Variants in B3GNT5 observed in about 807,000 individuals in gnomAD.
B3GNT5 encodes the protein lactosylceramide 1,3-N-acetyl-beta-D-glucosaminyltransferase.
B3GNT5 carries 11 observed loss-of-function variants against 25.9 expected under a neutral mutation model. The observed-to-expected ratio is 0.42, with a 90% CI of 0.27 to 0.70. The LOEUF is 0.70. Among genes scored for constraint, B3GNT5 ranks in the 30% least tolerant of loss-of-function variants. The probability of loss-of-function intolerance (pLI) is 0.23; values close to 1 mark genes in which losing one functional copy is unlikely to be tolerated. For synonymous variants in B3GNT5, 166 were observed against 158.6 expected (o/e 1.05, Z -0.35); for missense variants, 385 against 458.4 (o/e 0.84, Z 1.46).
intron 1 of B3GNT5, among the ~76,000 whole-genome samples, chr3:183,255,601 A>G (rs1724971535): frequency 6.6e-6 from 1 of 152,208 alleles, no homozygotes. Context: ...CAAAGCTCAG[A>G]GCAGCTGTTC....
chr3:183,266,406 G>A (rs373262563), intron 1 of B3GNT5, among the ~76,000 whole-genome samples: 20 of 152,322 alleles, frequency 1.3e-4, no homozygotes, highest in African/African-American at 4.6e-4. Context: ...AACTGCAGAT[G>A]CTTTTCAGTT....
chr3:183,262,380 G>GT (rs1397749450), intron 1 of B3GNT5, among the ~76,000 whole-genome samples: 1 of 152,152 alleles, frequency 6.6e-6, no homozygotes, highest in Admixed American at 6.5e-5. Context: ...AGGCAGGGCT[G>GT]TATAAGTGCA....
intron 1 of B3GNT5, among the ~76,000 whole-genome samples, chr3:183,260,137 C>T (rs1030840019): frequency 6.6e-6 from 1 of 152,036 alleles, no homozygotes; most frequent in Admixed American, 6.6e-5. Context: ...GCCACAGGGT[C>T]TGGAATTTGT....
At chr3:183,255,338 A>G (rs558641461) in intron 1 of B3GNT5, among the ~76,000 whole-genome samples, 2 of 152,378 alleles carry the variant, frequency 1.3e-5, no homozygotes, top group Admixed American at 6.5e-5. Flanking sequence ...TAGATTTTCT[A>G]TCTGGTCACA....
rs1244558450 is a variant in B3GNT5, at chr3:183,270,669, A to G, written c.871A>G (p.Asn291Asp). 13 of 1,614,072 alleles carry G rather than the reference A, an allele frequency of 8.1e-6. No homozygotes were observed. The highest frequency in any genetic ancestry group is 1.1e-5 in the Non-Finnish European group (13 of 1,180,042). The change falls in exon 2 of 2, where the codon AAT becomes GAT. Residue 291 changes from asparagine to aspartate, a missense_variant. Physicochemically the swap from Asn to Asp is conservative, Grantham distance 23. Coordinates refer to ENST00000326505, the MANE Select transcript of B3GNT5 (RefSeq NM_032047.5). The surrounding 1 kb of genome is among the most constrained non-coding windows in gnomAD (Gnocchi z 4.5). Reference protein sequence around the residue: ...IDDVFMGLCANKIGIVPQDHV... With the variant: ...IDDVFMGLCADKIGIVPQDHV... ...CGATGTGTTCATGGGCCTCTGTGCC[A>G]ATAAAATAGGGATAGTACCGCAGGA...
At chr3:183,261,021 T>C (rs2108417197) in intron 1 of B3GNT5, among the ~76,000 whole-genome samples, 1 of 152,336 alleles carries the variant, frequency 6.6e-6, no homozygotes. Flanking sequence ...AGAGGTCTTA[T>C]ATTGGAAATG....
At chr3:183,264,920 A>G (rs1265158826) in intron 1 of B3GNT5, among the ~76,000 whole-genome samples, 1 of 152,172 alleles carries the variant, frequency 6.6e-6, no homozygotes, top group Non-Finnish European at 1.5e-5. Flanking sequence ...TCCTACTTCT[A>G]TTCTTTATTC....
At position 183,272,897 on chromosome 3, in the gene B3GNT5, T is replaced by C; in HGVS notation, c.*1962T>C. 7.5e-7 allele frequency: 1 copy of C among 1,326,120 alleles called. No individual in the cohort carries two copies. The highest frequency in any genetic ancestry group is 9.7e-7 in the Non-Finnish European group (1 of 1,029,970). 82.1% of individuals were successfully genotyped at this position (1,326,120 alleles called of 1,614,324 possible). A position where few individuals can be genotyped will look rare whatever the true frequency, so the allele number is the denominator to read the frequency against. ...AGCAGTGCTTTTGTGAAACAATTAT[T>C]TATTTGCTGAAAGAGCTCTTCTGAA... On this transcript the variant is annotated 3_prime_UTR_variant, in exon 2 of 2. Coordinates refer to ENST00000326505, the MANE Select transcript of B3GNT5 (RefSeq NM_032047.5).
rs1452300027 is a variant in B3GNT5 at position 183,270,015 on chromosome 3, T to C, written c.217T>C (p.Tyr73His). 3 of 1,614,036 alleles carry C rather than the reference T, an allele frequency of 1.9e-6. No homozygotes were observed. The highest frequency in any genetic ancestry group is 2.5e-6 in the Non-Finnish European group (3 of 1,180,048). The change falls in exon 2 of 2, where the codon TAC (tyrosine) becomes CAC (histidine). Residue 73 changes from tyrosine (Y) to histidine (H), a missense_variant. Physicochemically the swap from Tyr to His is moderately conservative, Grantham distance 83. Coordinates refer to ENST00000326505, the MANE Select transcript of B3GNT5 (RefSeq NM_032047.5). This position sits in a 1 kb window ranked among gnomAD's most constrained non-coding sequence, Gnocchi z 4.5. ...SLKHTSAGPR[Y>H]QYLINHKEKC... Reference sequence around the variant, plus strand: ...TAAGCACACCTCAGCGGGGCCTCGCTACCAATACTTGATTAACCACAAGGA... The same window carrying C: ...TAAGCACACCTCAGCGGGGCCTCGCCACCAATACTTGATTAACCACAAGGA...
Position 183,270,953 on chromosome 3 carries a change from A to G in B3GNT5, c.*18A>G, listed in dbSNP as rs1726718134. 10 of 1,536,180 alleles carry G rather than the reference A, an allele frequency of 6.5e-6. No individual in the cohort carries two copies. The highest frequency in any genetic ancestry group is 8.7e-6 in the Non-Finnish European group (10 of 1,144,784). The stretch of plus-strand genomic sequence containing the variant: ...TTATCTAATAGTACTTGAATGTTGT[A>G]TGTTTTCACTGTCACTGAGTCAAAC... On this transcript the variant is annotated 3_prime_UTR_variant, in exon 2 of 2. Coordinates refer to ENST00000326505, the MANE Select transcript of B3GNT5 (RefSeq NM_032047.5). The surrounding 1 kb of genome is among the most constrained non-coding windows in gnomAD (Gnocchi z 4.5).
intron 1 of B3GNT5, among the ~76,000 whole-genome samples, chr3:183,259,976 C>A (rs1157196277): frequency 6.6e-6 from 1 of 152,136 alleles, no homozygotes; most frequent in East Asian, 1.9e-4. Flanking sequence ...AAATTCTCAT[C>A]CATCTTGGGT....
chr3:183,254,680 C>T (rs1398294160), intron 1 of B3GNT5: 1 of 152,236 alleles, frequency 6.6e-6, no homozygotes, highest in Non-Finnish European at 1.5e-5. Flanking sequence ...TTGCGGCCAC[C>T]CGCCTCCGGC....
intron 1 of B3GNT5, among the ~76,000 whole-genome samples, chr3:183,269,227 A>G: frequency 1.2e-5 from 1 of 83,044 alleles, no homozygotes; most frequent in African/African-American, 9.1e-5. Context: ...GCCGTTTGGG[A>G]AGCTTTTTTT....
intron 1 of B3GNT5, among the ~76,000 whole-genome samples, chr3:183,263,663 G>A (rs1399281909): frequency 6.6e-6 from 1 of 152,010 alleles, no homozygotes; most frequent in African/African-American, 2.4e-5. Context: ...CTCCAGTCCT[G>A]TCTAACTCGT....
At chr3:183,263,720 C>T (rs964344523) in intron 1 of B3GNT5, among the ~76,000 whole-genome samples, 2 of 152,258 alleles carry the variant, frequency 1.3e-5, no homozygotes, top group Non-Finnish European at 2.9e-5. Context: ...GTCTCTCCAT[C>T]GCCTCGAACT....
intron 1 of B3GNT5, among the ~76,000 whole-genome samples, chr3:183,257,268 A>T (rs1725129588): frequency 6.6e-6 from 1 of 152,140 alleles, no homozygotes; most frequent in Non-Finnish European, 1.5e-5. Context: ...CACAGTATAC[A>T]TCTACTTTTG....
chr3:183,258,501 T>C (rs1725289486), intron 1 of B3GNT5: 1 of 152,314 alleles, frequency 6.6e-6, no homozygotes, highest in African/African-American at 2.4e-5. Flanking sequence ...TTGCCACCTC[T>C]CCCACAAAGC....
intron 1 of B3GNT5, among the ~76,000 whole-genome samples, chr3:183,261,833 T>G (rs980179612): frequency 5.9e-5 from 9 of 151,766 alleles, no homozygotes; most frequent in African/African-American, 2.2e-4. Flanking sequence ...TTGGCAATAA[T>G]TGAAGTAAGA....
Position 183,270,024 on chromosome 3 carries a change from T to C in B3GNT5, c.226T>C (p.Leu76=). The C allele has an allele frequency of 6.2e-7, 1 of 1,614,156 alleles. No individual in the cohort carries two copies. The highest frequency in any genetic ancestry group is 8.5e-7 in the Non-Finnish European group (1 of 1,180,044). The part of the protein sequence containing the change: ...HTSAGPRYQY[L]INHKEKCQAQ... ...CTCAGCGGGGCCTCGCTACCAATAC[T>C]TGATTAACCACAAGGAAAAGTGTCA... The change falls in exon 2 of 2, where the codon TTG becomes CTG. Residue 76 remains leucine (L), a synonymous_variant. Transcript: ENST00000326505. This position sits in a 1 kb window ranked among gnomAD's most constrained non-coding sequence, Gnocchi z 4.5.
Sources: gnomAD v4.1 joint callset for allele counts (sites outside exome capture counted in the v4.1 genomes callset) on GRCh38, gnomAD v4.1.1 for gene constraint, Gnocchi (gnomAD v3.1) non-coding constraint, MANE v1.5 for transcripts, NCBI Gene and HGNC (gene_info 2026-07-23, HGNC 2026-07-21) for gene names.